Variants in BCAS4 observed in about 807,000 individuals in gnomAD.
The protein encoded by BCAS4 is breast carcinoma-amplified sequence 4.
BCAS4 carries 9 observed loss-of-function variants against 15.7 expected under a neutral mutation model. The observed-to-expected ratio is 0.57, with a 90% confidence interval of 0.34 to 1.00. The LOEUF (loss-of-function observed/expected upper bound fraction) is 1.00. BCAS4 is among the 50% of genes least tolerant of loss of function. The pLI, the probability that BCAS4 is intolerant of heterozygous loss-of-function variation, is 0.02. For missense variants in BCAS4, 225 were observed against 239.1 expected (o/e 0.94, Z 0.39); for synonymous variants, 101 against 99.5 (o/e 1.02, Z -0.09).
At chr20:50,857,357 C>T (rs569563720) in intron 4 of BCAS4, among the ~76,000 whole-genome samples, 4 of 152,284 alleles carry the variant, frequency 2.6e-5, no homozygotes, top group South Asian at 2.1e-4. Context: ...TCTTGAACTC[C>T]GGACCTCAGG....
intron 2 of BCAS4, among the ~76,000 whole-genome samples, chr20:50,826,257 C>T (rs901504833): frequency 6.6e-6 from 1 of 152,146 alleles, no homozygotes; most frequent in Non-Finnish European, 1.5e-5. Context: ...AGGACCTTTC[C>T]CTGTCACTGG....
intron 4 of BCAS4, among the ~76,000 whole-genome samples, chr20:50,870,232 A>G (rs1979564537): frequency 6.6e-6 from 1 of 152,206 alleles, no homozygotes; most frequent in Non-Finnish European, 1.5e-5. Flanking sequence ...CCCTGACCCA[A>G]AAACCAGGCA....
At chr20:50,850,792 C>CG (rs1568677067) in intron 4 of BCAS4, among the ~76,000 whole-genome samples, 4 of 152,162 alleles carry the variant, frequency 2.6e-5, no homozygotes, top group Non-Finnish European at 2.9e-5. Context: ...GTCTCCCCCC[C>CG]GGTAGAGCAC....
chr20:50,865,495 T>G (rs1211567729), intron 4 of BCAS4, among the ~76,000 whole-genome samples: 1 of 152,180 alleles, frequency 6.6e-6, no homozygotes, highest in East Asian at 1.9e-4. Flanking sequence ...GTTTCCATGT[T>G]AACGCTTTTC....
intron 4 of BCAS4, among the ~76,000 whole-genome samples, chr20:50,859,404 G>C (rs185128174): frequency 2.6e-5 from 4 of 152,298 alleles, no homozygotes; most frequent in African/African-American, 7.2e-5. Flanking sequence ...TGGCCCTGGC[G>C]ATGGCCTAGT....
At chr20:50,865,866 G>T (rs1979330099) in intron 4 of BCAS4, among the ~76,000 whole-genome samples, 1 of 152,170 alleles carries the variant, frequency 6.6e-6, no homozygotes, top group Non-Finnish European at 1.5e-5. Flanking sequence ...GAAATGGGAG[G>T]GGTTCTGCTC....
chr20:50,862,349 C>T (rs1979127973), intron 4 of BCAS4, among the ~76,000 whole-genome samples: 1 of 152,152 alleles, frequency 6.6e-6, no homozygotes, highest in Non-Finnish European at 1.5e-5. Context: ...GTGCTGTCTC[C>T]GTCTCTCCCT....
intron 1 of BCAS4, among the ~76,000 whole-genome samples, chr20:50,808,504 T>A (rs1368451358): frequency 6.6e-6 from 1 of 152,212 alleles, no homozygotes; most frequent in Non-Finnish European, 1.5e-5. Flanking sequence ...TTTCATCACA[T>A]CCATGCCAAC....
rs111227245 is a variant in BCAS4, at chr20:50,840,662, G to A, written c.265-1104G>A. 12,442 of 1,612,554 alleles carry A rather than the reference G, an allele frequency of 7.7e-3. 73 individuals carry two copies. The highest frequency in any genetic ancestry group is 0.014 in the Middle Eastern group (76 of 5,586). On this transcript the variant is annotated intron_variant, in intron 3 of 4. Coordinates refer to ENST00000371608, the MANE Select transcript of BCAS4 (RefSeq NM_198799.4). Reference sequence around the variant, plus strand: ...TCCTGTTCAATCGTTTCTTTGGAAGGCAGTGGATTTTTCTCTTGCGTCTCT... The same window carrying A: ...TCCTGTTCAATCGTTTCTTTGGAAGACAGTGGATTTTTCTCTTGCGTCTCT...
chr20:50,806,396 T>C (rs549459182), intron 1 of BCAS4, among the ~76,000 whole-genome samples: 1 of 152,254 alleles, frequency 6.6e-6, no homozygotes, highest in African/African-American at 2.4e-5. Flanking sequence ...TCTTCCTTTC[T>C]TTTCTGCAGT....
At chr20:50,854,775 G>A (rs947230180) in intron 4 of BCAS4, among the ~76,000 whole-genome samples, 7 of 152,318 alleles carry the variant, frequency 4.6e-5, no homozygotes, top group African/African-American at 1.4e-4. Context: ...CCCACCATGC[G>A]GCACCGTAGG....
chr20:50,864,439 A>AT (rs397866091), intron 4 of BCAS4, among the ~76,000 whole-genome samples: 2,115 of 97,894 alleles, frequency 0.022, 40 homozygotes, highest in African/African-American at 0.067. Flanking sequence ...ATCATGATTG[A>AT]TTTTTTTTTT....
intron 3 of BCAS4, among the ~76,000 whole-genome samples, chr20:50,833,177 C>T (rs2088364787): frequency 6.6e-6 from 1 of 152,028 alleles, no homozygotes; most frequent in African/African-American, 2.4e-5. Context: ...TGGCTCTGAG[C>T]AAGGAGGAGA....
chr20:50,804,600 G>A (rs2087968105), intron 1 of BCAS4, among the ~76,000 whole-genome samples: 1 of 152,226 alleles, frequency 6.6e-6, no homozygotes, highest in Admixed American at 6.5e-5. Context: ...TACTGTGTCT[G>A]AGGACACATG....
At chr20:50,863,659 G>T (rs1436726520) in intron 4 of BCAS4, among the ~76,000 whole-genome samples, 1 of 152,216 alleles carries the variant, frequency 6.6e-6, no homozygotes, top group African/African-American at 2.4e-5. Context: ...ATCAAAGTGA[G>T]AAATGTATGA....
intron 2 of BCAS4, among the ~76,000 whole-genome samples, chr20:50,820,007 T>G (rs2088194196): frequency 6.6e-6 from 1 of 152,268 alleles, no homozygotes; most frequent in Admixed American, 6.5e-5. Context: ...TGCACCACCA[T>G]GCCTGGCTAA....
intron 1 of BCAS4, among the ~76,000 whole-genome samples, chr20:50,802,086 G>C (rs1293856452): frequency 6.6e-6 from 1 of 152,160 alleles, no homozygotes; most frequent in Non-Finnish European, 1.5e-5. Flanking sequence ...TGTAGTCCCA[G>C]CAGTTTGGGA....
chr20:50,841,052 A>C (rs1600877411), intron 3 of BCAS4: 2 of 335,612 alleles, frequency 6.0e-6, no homozygotes. Context: ...CTGGTCTTGA[A>C]CTCCTGACCT....
At chr20:50,873,274 GA>G (rs1479373114) in intron 4 of BCAS4, among the ~76,000 whole-genome samples, 1 of 152,208 alleles carries the variant, frequency 6.6e-6, no homozygotes, top group African/African-American at 2.4e-5. Flanking sequence ...CCTCTGCACA[GA>G]ACCATTTCAA....
Sources: gnomAD v4.1 joint callset for allele counts (sites outside exome capture counted in the v4.1 genomes callset) on GRCh38, gnomAD v4.1.1 for gene constraint, MANE v1.5 for transcripts, NCBI Gene and HGNC (gene_info 2026-07-23, HGNC 2026-07-21) for gene names.